TMEM140: variants seen among roughly 807,000 people sequenced by gnomAD.
The protein encoded by TMEM140 is transmembrane protein 140.
For synonymous variants in TMEM140, 107 were observed against 106.8 expected (o/e 1.00, Z -0.01); for missense variants, 236 against 228.5 (o/e 1.03, Z -0.21).
At chr7:135,154,677 G>C (rs1300862684) in intron 1 of TMEM140, among the ~76,000 whole-genome samples, 3 of 152,122 alleles carry the variant, frequency 2.0e-5, no homozygotes, top group African/African-American at 7.2e-5. Context: ...TCTTGGTATT[G>C]ATTTCTAGTT....
chr7:135,148,096 T>G lies in TMEM140; in HGVS notation c.-199T>G. ...CAGAGAGCTGTTTACTAGGCACGACTGCGAAGGCAAGGGGGCACCAGCTCA... is the reference window on the plus strand; with the variant it reads ...CAGAGAGCTGTTTACTAGGCACGACGGCGAAGGCAAGGGGGCACCAGCTCA... On this transcript the variant is annotated 5_prime_UTR_variant, in exon 1 of 2. Transcript: ENST00000275767. 4.4e-6 allele frequency: 2 copies of G among 456,086 alleles called. No individual in the cohort carries two copies. Among genetic ancestry groups the G allele is most frequent in the East Asian group, 6.9e-5 (1 of 14,390 alleles). The allele number at this position is 456,086 out of a possible 1,614,324, so 28.3% of individuals were successfully genotyped here. A position where few individuals can be genotyped will look rare whatever the true frequency, so the allele number is the denominator to read the frequency against.
rs1368916729 is a variant in TMEM140 at position 135,161,558 on chromosome 7, A to C, written c.-24-2860A>C. Among the ~76,000 whole-genome samples, 1 of 152,246 alleles carries C rather than the reference A, an allele frequency of 6.6e-6. No individual in the cohort carries two copies. Reference sequence around the variant, plus strand: ...TAAAAGCACAGATATAGGCTTTTACAAACATTTACTAAATAAGCAAAACCA... The same window carrying C: ...TAAAAGCACAGATATAGGCTTTTACCAACATTTACTAAATAAGCAAAACCA... On this transcript the variant is annotated intron_variant, in intron 1 of 1. Transcript: ENST00000275767. The surrounding 1 kb of genome is among the most constrained non-coding windows in gnomAD (Gnocchi z 4.1).
intron 1 of TMEM140, among the ~76,000 whole-genome samples, chr7:135,158,974 C>T (rs1322817100): frequency 2.0e-5 from 3 of 152,352 alleles, no homozygotes; most frequent in East Asian, 3.9e-4. Flanking sequence ...TAGGCAGCTC[C>T]GAATGTCAGG....
rs1829997408 is a variant in TMEM140, at chr7:135,163,365, G to A, written c.-24-1053G>A. Among the ~76,000 whole-genome samples, 3 of 152,208 alleles carry A rather than the reference G, an allele frequency of 2.0e-5. No individual in the cohort carries two copies. In the South Asian group the frequency reaches 6.2e-4, roughly 32 times the overall value. On this transcript the variant is annotated intron_variant, in intron 1 of 1. Transcript: ENST00000275767. ...TTATTTTTAAAATATCTTCTGGCCA[G>A]GCATGGTGGCTCATGCCTGTAATCC... is the stretch of plus-strand genomic sequence containing the variant.
chr7:135,149,042 C>A (rs1330560850), intron 1 of TMEM140, among the ~76,000 whole-genome samples: 5 of 152,132 alleles, frequency 3.3e-5, no homozygotes, highest in African/African-American at 1.2e-4. Flanking sequence ...TACCATACCC[C>A]ATTCCCCAAA....
intron 1 of TMEM140, among the ~76,000 whole-genome samples, chr7:135,159,892 T>C (rs1321058939): frequency 6.6e-6 from 1 of 152,194 alleles, no homozygotes; most frequent in Admixed American, 6.5e-5. Context: ...TATGCAATAC[T>C]GGGGAGGATG....
chr7:135,156,838 T>C (rs1829806187), intron 1 of TMEM140, among the ~76,000 whole-genome samples: 1 of 152,190 alleles, frequency 6.6e-6, no homozygotes. Context: ...TCCCACATGT[T>C]GTGAGAGGGG....
rs145147219 is a variant in TMEM140, at chr7:135,164,532, G to C, written c.91G>C (p.Ala31Pro). 6 of 1,614,150 alleles carry C rather than the reference G, an allele frequency of 3.7e-6. No homozygotes were observed. In the East Asian group the frequency reaches 1.3e-4, roughly 36 times the overall value. ...VIVVICLMFY[A>P]LLWEAGNLTD... ...TGTGGTCATCTGCCTGATGTTTTAC[G>C]CTCTTCTCTGGGAGGCTGGCAACCT... The change falls in exon 2 of 2, where the codon GCT (alanine) becomes CCT (proline). Residue 31 changes from alanine to proline, a missense_variant. Ala to Pro is a conservative substitution (Grantham distance 27). Transcript: ENST00000275767.
intron 1 of TMEM140, among the ~76,000 whole-genome samples, chr7:135,159,818 A>G (rs1209744286): frequency 1.3e-5 from 2 of 152,258 alleles, no homozygotes; most frequent in East Asian, 3.8e-4. Context: ...AACTTTACTT[A>G]TTATGAAGAA....
Position 135,165,198 on chromosome 7 carries a change from GTC to G in TMEM140, c.*201_*202del, listed in dbSNP as rs1445172075. 1.1e-5 allele frequency: 6 copies of G among 565,454 alleles called. No individual in the cohort carries two copies. The highest frequency in any genetic ancestry group is 1.9e-5 in the Non-Finnish European group (6 of 317,278). The allele number at this position is 565,454 out of a possible 1,614,324, so 35.0% of individuals were successfully genotyped here. ...ACCTGTGACTTCTTAGTACAAGATT[GTC>G]TGTCCTTCAGGACTTCCAAGGCTCC... On this transcript the variant is annotated 3_prime_UTR_variant, in exon 2 of 2. Transcript: ENST00000275767.
rs112857804 is a variant in TMEM140 at position 135,161,796 on chromosome 7, A to G, written c.-24-2622A>G. ...TCCAGAGCCTTTGACAGTGCCACCCAAGGCAGCAGCCAGGGCTTCTGCTGG... is the reference window on the plus strand; with the variant it reads ...TCCAGAGCCTTTGACAGTGCCACCCGAGGCAGCAGCCAGGGCTTCTGCTGG... On this transcript the variant is annotated intron_variant, in intron 1 of 1. Coordinates refer to ENST00000275767, the MANE Select transcript of TMEM140 (RefSeq NM_018295.5). This position sits in a 1 kb window ranked among gnomAD's most constrained non-coding sequence, Gnocchi z 4.1. Among the ~76,000 whole-genome samples, 248 of 152,274 alleles carry G rather than the reference A, an allele frequency of 1.6e-3. 4 individuals are homozygous for G. Among genetic ancestry groups the G allele is most frequent in the African/African-American group, 5.4e-3 (224 of 41,564 alleles).
chr7:135,158,076 C>T (rs1829838990), intron 1 of TMEM140, among the ~76,000 whole-genome samples: 1 of 152,082 alleles, frequency 6.6e-6, no homozygotes, highest in Non-Finnish European at 1.5e-5. Flanking sequence ...CTTGACTGGG[C>T]AGCAGCTTCA....
At chr7:135,150,476 G>C (rs577973409) in intron 1 of TMEM140, among the ~76,000 whole-genome samples, 13 of 152,308 alleles carry the variant, frequency 8.5e-5, no homozygotes, top group Admixed American at 2.6e-4. Context: ...ATTCCCCAGG[G>C]CCTCTGATTC....
chr7:135,156,625 T>G (rs1312633420), intron 1 of TMEM140, among the ~76,000 whole-genome samples: 1 of 152,190 alleles, frequency 6.6e-6, no homozygotes, highest in African/African-American at 2.4e-5. Flanking sequence ...ATTTTCTGAT[T>G]TCTTTGTATT....
chr7:135,164,523 A>T lies in TMEM140; in HGVS notation c.82A>T (p.Met28Leu), dbSNP rs1299577586. ...IVLVIVVICL[M>L]FYALLWEAGN... ...CCTCGTGATTGTGGTCATCTGCCTG[A>T]TGTTTTACGCTCTTCTCTGGGAGGC... Residue 28 changes from methionine (M) to leucine (L), a missense_variant, in exon 2 of 2, where the codon ATG becomes TTG. Physicochemically the swap from Met to Leu is conservative, Grantham distance 15. Transcript: ENST00000275767. 1.2e-6 allele frequency: 2 copies of T among 1,613,950 alleles called. No homozygotes were observed. The highest frequency in any genetic ancestry group is 2.7e-5 in the African/African-American group (2 of 74,932).
At chr7:135,158,389 A>G (rs138102149) in intron 1 of TMEM140, among the ~76,000 whole-genome samples, 2 of 152,094 alleles carry the variant, frequency 1.3e-5, no homozygotes, top group Non-Finnish European at 2.9e-5. Flanking sequence ...CCAACATTAA[A>G]CTCTCAAAAT....
chr7:135,149,599 A>G (rs1829622138), intron 1 of TMEM140, among the ~76,000 whole-genome samples: 1 of 152,208 alleles, frequency 6.6e-6, no homozygotes, highest in South Asian at 2.1e-4. Flanking sequence ...TTTATTGCCA[A>G]TCTGCCTCCC....
Position 135,151,939 on chromosome 7 carries a change from C to T in TMEM140, c.-25+3669C>T, listed in dbSNP as rs1252448021. ...ATGAGACCAGCTTCCTAGAGTTCAT[C>T]TCTGGGAATGAACCCTGGCACTATT... On this transcript the variant is annotated intron_variant, in intron 1 of 1. Transcript: ENST00000275767. This position sits in a 1 kb window ranked among gnomAD's most constrained non-coding sequence, Gnocchi z 4.3. 6.6e-6 allele frequency among the ~76,000 whole-genome samples: 1 copy of T among 152,168 alleles called. No individual in the cohort carries two copies. Among genetic ancestry groups the T allele is most frequent in the Non-Finnish European group, 1.5e-5 (1 of 68,022 alleles).
intron 1 of TMEM140, among the ~76,000 whole-genome samples, chr7:135,157,756 G>T (rs1163727682): frequency 6.6e-6 from 1 of 152,226 alleles, no homozygotes; most frequent in Non-Finnish European, 1.5e-5. Flanking sequence ...ACCTGTAGCA[G>T]GGTGGTGGGC....
Sources: gnomAD v4.1 joint callset for allele counts (sites outside exome capture counted in the v4.1 genomes callset) on GRCh38, gnomAD v4.1.1 for gene constraint, Gnocchi (gnomAD v3.1) non-coding constraint, MANE v1.5 for transcripts, NCBI Gene and HGNC (gene_info 2026-07-23, HGNC 2026-07-21) for gene names.